Variants in CABIN1 observed in about 807,000 individuals in gnomAD.
The protein encoded by CABIN1 is calcineurin binding protein 1, also known as calcineurin-binding protein cabin-1.
In CABIN1, 133 loss-of-function variants were observed where a neutral mutation model predicts 227.7. That is an observed-to-expected ratio of 0.58 (90% CI 0.51 to 0.67). The LOEUF (loss-of-function observed/expected upper bound fraction) is 0.67, where lower values mean the gene tolerates loss of function less well. Among genes scored for constraint, CABIN1 ranks in the 30% least tolerant of loss-of-function variants. The pLI, the probability that CABIN1 is intolerant of heterozygous loss-of-function variation, is 0.00. For missense variants in CABIN1, 2,408 were observed against 2,852.5 expected, an observed-to-expected ratio of 0.84 and a Z score of 3.55; for synonymous variants, 1,086 against 1,155.1, an observed-to-expected ratio of 0.94 and a Z score of 1.21.
chr22:24,051,759 C>T (rs961109391), intron 8 of CABIN1, among the ~76,000 whole-genome samples: 2 of 152,048 alleles, frequency 1.3e-5, no homozygotes, highest in South Asian at 4.1e-4. Context: ...GAGCCACTCC[C>T]TAGCAACGGG....
intron 26 of CABIN1, among the ~76,000 whole-genome samples, chr22:24,100,877 G>A (rs1170579430): frequency 6.6e-6 from 1 of 152,238 alleles, no homozygotes; most frequent in Non-Finnish European, 1.5e-5. Flanking sequence ...AAAAGTGCTT[G>A]TACATTGCAG....
intron 29 of CABIN1, among the ~76,000 whole-genome samples, chr22:24,152,877 G>A (rs1195120067): frequency 4.6e-5 from 7 of 151,852 alleles, no homozygotes; most frequent in African/African-American, 9.7e-5. Context: ...TTGAACCCAC[G>A]AGACAGAGGT....
intron 29 of CABIN1, among the ~76,000 whole-genome samples, chr22:24,152,857 G>A (rs979312555): frequency 6.6e-6 from 1 of 152,068 alleles, no homozygotes; most frequent in African/African-American, 2.4e-5. Context: ...GGCTGAGGCA[G>A]GAGAATTGCT....
At chr22:24,017,250 G>A (rs1220112423) in intron 1 of CABIN1, among the ~76,000 whole-genome samples, 2 of 151,738 alleles carry the variant, frequency 1.3e-5, no homozygotes. Flanking sequence ...TGTTAGCCAG[G>A]ATGGTCTCCA....
At chr22:24,155,666 G>A (rs2045740430) in intron 29 of CABIN1, among the ~76,000 whole-genome samples, 1 of 152,208 alleles carries the variant, frequency 6.6e-6, no homozygotes, top group Admixed American at 6.5e-5. Flanking sequence ...CCTGCCACAG[G>A]GCACTACTGG....
At chr22:24,164,639 A>G in intron 30 of CABIN1, 76 bp downstream of exon 30, 2 of 1,512,462 alleles carry the variant, frequency 1.3e-6, no homozygotes, top group African/African-American at 2.7e-5. Context: ...AAGCCTCTCC[A>G]CTGCTCTGGC....
intron 7 of CABIN1, 29 bp from the exon 8 acceptor site, chr22:24,050,796 T>TA (rs765197919): frequency 8.7e-6 from 14 of 1,614,058 alleles, no homozygotes; most frequent in Non-Finnish European, 1.2e-5. Flanking sequence ...TGTAACATGA[T>TA]AATTTCTCCC....
chr22:24,130,266 T>C (rs1378882257), intron 28 of CABIN1, among the ~76,000 whole-genome samples: 1 of 152,198 alleles, frequency 6.6e-6, no homozygotes, highest in African/African-American at 2.4e-5. Flanking sequence ...CCATGATGGC[T>C]GGCTCAGTGT....
chr22:24,041,466 G>A (rs947312324), intron 5 of CABIN1, among the ~76,000 whole-genome samples, 193 bp downstream of exon 5: 3 of 152,172 alleles, frequency 2.0e-5, no homozygotes, highest in African/African-American at 7.2e-5. Flanking sequence ...AGGGGCTGGG[G>A]CAGAGCACAT....
intron 1 of CABIN1, among the ~76,000 whole-genome samples, chr22:24,014,990 G>A (rs560105158): frequency 1.3e-5 from 2 of 152,138 alleles, no homozygotes; most frequent in South Asian, 2.1e-4. Context: ...TAGGCCAGGC[G>A]TGGTGGCTCA....
At chr22:24,066,638 C>T (rs1223195200) in intron 15 of CABIN1, among the ~76,000 whole-genome samples, 5 of 152,120 alleles carry the variant, frequency 3.3e-5, no homozygotes, top group African/African-American at 4.8e-5. Flanking sequence ...TCTGACAACC[C>T]GATGTTCCGC....
chr22:24,028,170 A>T (rs1013367582), intron 1 of CABIN1, among the ~76,000 whole-genome samples: 1 of 152,174 alleles, frequency 6.6e-6, no homozygotes, highest in East Asian at 1.9e-4. Flanking sequence ...CTTTATTGCT[A>T]AAAAATGCTG....
At chr22:24,043,813 C>T (rs1357383247) in intron 6 of CABIN1, among the ~76,000 whole-genome samples, 4 of 152,162 alleles carry the variant, frequency 2.6e-5, no homozygotes. Context: ...ACTTGAGGTA[C>T]AATTTGTCCT....
At chr22:24,068,748 G>C (rs1301806735) in intron 16 of CABIN1, among the ~76,000 whole-genome samples, 3 of 152,146 alleles carry the variant, frequency 2.0e-5, no homozygotes, top group Non-Finnish European at 4.4e-5. Flanking sequence ...GAGAGGTTCT[G>C]AATTTTTATG....
intron 29 of CABIN1, 69 bp from the exon 30 acceptor site, chr22:24,164,331 C>T: frequency 6.3e-7 from 1 of 1,585,814 alleles, no homozygotes; most frequent in Non-Finnish European, 8.6e-7. Flanking sequence ...CAGGGGATAC[C>T]AGACAGGGTG....
chr22:24,069,538 A>G (rs909683197), intron 16 of CABIN1, among the ~76,000 whole-genome samples: 2 of 152,160 alleles, frequency 1.3e-5, no homozygotes, highest in Non-Finnish European at 2.9e-5. Context: ...GACTTTCACA[A>G]TGACTCTGGT....
At chr22:24,170,891 G>A (rs2148758667) in intron 33 of CABIN1, among the ~76,000 whole-genome samples, 1 of 152,240 alleles carries the variant, frequency 6.6e-6, no homozygotes, top group East Asian at 1.9e-4. Flanking sequence ...TGCTGGGGAG[G>A]GTTGAAGGGT....
intron 10 of CABIN1, among the ~76,000 whole-genome samples, chr22:24,057,368 G>C (rs12171117): frequency 0.069 from 10,491 of 152,274 alleles, 382 homozygotes; most frequent in East Asian, 0.16. Flanking sequence ...TCCCTTAGCT[G>C]AGTGGAGAGG....
chr22:24,019,729 C>CAA (rs2035583686), intron 1 of CABIN1, among the ~76,000 whole-genome samples: 3 of 138,128 alleles, frequency 2.2e-5, no homozygotes, highest in Admixed American at 8.0e-5. Flanking sequence ...GCAATCTTAG[C>CAA]TCACCACAAC....
Sources: allele counts gnomAD v4.1 joint callset (sites outside exome capture counted in the v4.1 genomes callset), GRCh38; gene constraint gnomAD v4.1.1; transcripts MANE v1.5; gene names NCBI Gene and HGNC (gene_info 2026-07-23, HGNC 2026-07-21).